Variants in DMTN observed in about 807,000 individuals in gnomAD.
The protein encoded by DMTN is dematin.
A neutral mutation model predicts 59.4 loss-of-function variants in DMTN; 27 were observed. The observed-to-expected ratio is 0.45, with a 90% CI of 0.33 to 0.63. The LOEUF is 0.63. DMTN is among the 20% of genes least tolerant of loss of function. DMTN has a pLI of 0.02. For synonymous variants in DMTN, 221 were observed against 203.7 expected (o/e 1.08, Z -0.72); for missense variants, 451 against 528.9 (o/e 0.85, Z 1.45).
In DMTN at chr8:22,066,788, C is replaced by T; in HGVS notation, c.-88C>T. The T allele has an allele frequency of 7.3e-7, 1 of 1,374,532 alleles. No individual in the cohort carries two copies. Among genetic ancestry groups the T allele is most frequent in the Non-Finnish European group, 9.5e-7 (1 of 1,052,758 alleles). The allele number at this position is 1,374,532 out of a possible 1,614,324, so 85.1% of individuals were successfully genotyped here. A position where few individuals can be genotyped will look rare whatever the true frequency, so the allele number is the denominator to read the frequency against. ...CTTTCGCGGCCCCAAGCGCGCAGCG[C>T]CCAGCAGCCGCGCCGAGCCTGACAC... On this transcript the variant is annotated 5_prime_UTR_variant, in exon 2 of 16. Coordinates refer to ENST00000358242, the MANE Select transcript of DMTN (RefSeq NM_001387751.1).
chr8:22,051,050 C>G (rs796511557), upstream of DMTN, among the ~76,000 whole-genome samples: 24 of 152,332 alleles, frequency 1.6e-4, no homozygotes, highest in African/African-American at 4.6e-4. Flanking sequence ...CCTCAGACCA[C>G]ACCTGGCTTC....
Position 22,081,093 on chromosome 8 carries a change from G to GGGGGTCC in DMTN, c.1024-20_1024-19insGGGGTCC. 2 of 1,572,880 alleles carry GGGGGTCC rather than the reference G, an allele frequency of 1.3e-6. No individual in the cohort carries two copies. The highest frequency in any genetic ancestry group is 1.7e-6 in the Non-Finnish European group (2 of 1,144,784). ...CAGGATATTCTGTGAGCCTAAGATT[G>GGGGGTCC]CCCCTCCCCCCACCCCCAGATCTAT... On this transcript the variant is annotated intron_variant, in intron 14 of 15. Transcript: ENST00000358242.
Position 22,060,120 on chromosome 8 carries a change from G to T in DMTN, c.-172+2984G>T, listed in dbSNP as rs1805265800. 6.6e-6 allele frequency among the ~76,000 whole-genome samples: 1 copy of T among 152,118 alleles called. No homozygotes were observed. Among genetic ancestry groups the T allele is most frequent in the Admixed American group, 6.5e-5 (1 of 15,274 alleles). On this transcript the variant is annotated intron_variant, in intron 1 of 15. Coordinates refer to ENST00000358242, the MANE Select transcript of DMTN (RefSeq NM_001387751.1). The surrounding 1 kb of genome is among the most constrained non-coding windows in gnomAD (Gnocchi z 5.0). ...GCTGAGCTGTCCCTTCCGTCACCTG[G>T]ACCTGCCTTCCTCTGTGGTGCTCTC...
intron 1 of DMTN, among the ~76,000 whole-genome samples, chr8:22,061,704 A>G (rs1179909631): frequency 6.6e-6 from 1 of 150,906 alleles, no homozygotes; most frequent in Non-Finnish European, 1.5e-5. Context: ...TGACCCCTCC[A>G]AACCTCTGAC....
chr8:22,071,756 A>G (rs958118709), intron 8 of DMTN, among the ~76,000 whole-genome samples: 2 of 151,648 alleles, frequency 1.3e-5, no homozygotes, highest in Admixed American at 6.6e-5. Context: ...ATTTTTTTGT[A>G]TTTTTAATAG....
At chr8:22,069,776 G>A in intron 6 of DMTN, 105 bp from the exon 7 acceptor site, 1 of 1,338,676 alleles carries the variant, frequency 7.5e-7, no homozygotes, top group Non-Finnish European at 1.1e-6. Flanking sequence ...CTTGACAGGG[G>A]CCAGTGAGTT....
Position 22,058,455 on chromosome 8 carries a change from A to C in DMTN, c.-172+1319A>C, listed in dbSNP as rs1235496340. Among the ~76,000 whole-genome samples, 1 of 152,228 alleles carries C rather than the reference A, an allele frequency of 6.6e-6. No individual in the cohort carries two copies. Among genetic ancestry groups the C allele is most frequent in the Non-Finnish European group, 1.5e-5 (1 of 68,038 alleles). ...TCCGCCTGAGGGGGCTGCAGGATGCAGAAAGCAGAAAGCGGGGTCTCTTCA... is the reference window on the plus strand; with the variant it reads ...TCCGCCTGAGGGGGCTGCAGGATGCCGAAAGCAGAAAGCGGGGTCTCTTCA... On this transcript the variant is annotated intron_variant, in intron 1 of 15. Transcript: ENST00000358242. The surrounding 1 kb of genome is among the most constrained non-coding windows in gnomAD (Gnocchi z 4.3).
intron 15 of DMTN, 51 bp from the exon 16 acceptor site, chr8:22,081,299 G>A (rs1741991333): frequency 3.1e-6 from 5 of 1,595,928 alleles, no homozygotes; most frequent in African/African-American, 2.7e-5. Context: ...TAGGTCACTG[G>A]GCACAGCCCC....
At chr8:22,078,369 A>G (rs889738215) in intron 10 of DMTN, among the ~76,000 whole-genome samples, 9 of 150,900 alleles carry the variant, frequency 6.0e-5, no homozygotes, top group Non-Finnish European at 1.2e-4. Flanking sequence ...TGTATCAAAA[A>G]ACAAAAAATA....
At chr8:22,052,769 T>A (rs757574529), upstream of DMTN, among the ~76,000 whole-genome samples, 13 of 152,116 alleles carry the variant, frequency 8.5e-5, no homozygotes, top group Admixed American at 2.6e-4. Context: ...TCAGGAGATG[T>A]GCTAGGCCAC....
Position 22,060,992 on chromosome 8 carries a change from G to A in DMTN, c.-172+3856G>A, listed in dbSNP as rs571294382. On this transcript the variant is annotated intron_variant, in intron 1 of 15. Transcript: ENST00000358242. This position sits in a 1 kb window ranked among gnomAD's most constrained non-coding sequence, Gnocchi z 5.0. ...TAAGGGTTAAATTGAAACAAAGATGGGCTGGGCAGGGGCTCACACCTATGA... is the reference window on the plus strand; with the variant it reads ...TAAGGGTTAAATTGAAACAAAGATGAGCTGGGCAGGGGCTCACACCTATGA... 4.6e-4 allele frequency among the ~76,000 whole-genome samples: 70 copies of A among 152,202 alleles called. No individual in the cohort carries two copies. Among genetic ancestry groups the A allele is most frequent in the African/African-American group, 1.6e-3 (65 of 41,520 alleles).
In DMTN at chr8:22,067,097, T is replaced by C. The variant is rs1440773654; in HGVS notation, c.31T>C (p.Ser11Pro). Residue 11 changes from serine (S) to proline (P), a missense_variant, in exon 3 of 16, where the codon TCC (serine) becomes CCC (proline). Ser to Pro is a moderately conservative substitution (Grantham distance 74, BLOSUM62 -1). Transcript: ENST00000358242. MERLQKQPLT[S>P]PGSVSPSRDS... ...TCGCTCTCCCCAGCAACCACTTACCTCCCCCGGGAGCGTGAGCCCCTCCCG... is the reference window on the plus strand; with the variant it reads ...TCGCTCTCCCCAGCAACCACTTACCCCCCCCGGGAGCGTGAGCCCCTCCCG... The C allele has an allele frequency of 4.3e-6, 6 of 1,401,582 alleles. No homozygotes were observed. Among genetic ancestry groups the C allele is most frequent in the Admixed American group, 4.0e-5 (2 of 49,670 alleles). 86.8% of individuals were successfully genotyped at this position (1,401,582 alleles called of 1,614,324 possible). A position where few individuals can be genotyped will look rare whatever the true frequency, so the allele number is the denominator to read the frequency against.
chr8:22,066,594 C>A, intron 1 of DMTN, 111 bp from the exon 2 acceptor site: 1 of 316,232 alleles, frequency 3.2e-6, no homozygotes, highest in Non-Finnish European at 5.8e-6. Context: ...CGGGGCTGAG[C>A]GGATGGGAAG....
In DMTN at chr8:22,067,680, G is replaced by A; in HGVS notation, c.247G>A (p.Glu83Lys). The A allele has an allele frequency of 6.2e-7, 1 of 1,613,652 alleles. No homozygotes were observed. The highest frequency in any genetic ancestry group is 8.5e-7 in the Non-Finnish European group (1 of 1,180,018). ...LEHVELPRSR[E>K]RSLSPKSTSP... ...ACACGTGGAGCTGCCTCGCAGCCGC[G>A]AGGTGAGGGGGCTCCTCTTGGGCAG... The change falls in exon 4 of 16, where the codon GAG becomes AAG. Residue 83 changes from glutamate (E) to lysine (K), a missense_variant and splice_region_variant. Transcript: ENST00000358242.
chr8:22,067,663 A>C lies in DMTN; in HGVS notation c.230A>C (p.Glu77Ala), dbSNP rs755491495. The C allele has an allele frequency of 1.9e-6, 3 of 1,613,980 alleles. No homozygotes were observed. In the South Asian group the frequency reaches 3.3e-5, roughly 18 times the overall value. ...ACTTATTCCCTCCTGGAACACGTGG[A>C]GCTGCCTCGCAGCCGCGAGGTGAGG... Reference protein sequence around the residue: ...HFTYSLLEHVELPRSRERSLS... With the variant: ...HFTYSLLEHVALPRSRERSLS... Residue 77 changes from glutamate to alanine, a missense_variant, in exon 4 of 16, where the codon GAG (glutamate) becomes GCG (alanine). Glu to Ala is a moderately radical substitution (Grantham distance 107, BLOSUM62 -1). Coordinates refer to ENST00000358242, the MANE Select transcript of DMTN (RefSeq NM_001387751.1).
chr8:22,059,895 A>C (rs1049280931), intron 1 of DMTN, among the ~76,000 whole-genome samples: 1 of 152,202 alleles, frequency 6.6e-6, no homozygotes, highest in Non-Finnish European at 1.5e-5. Context: ...AGAGCGCGCC[A>C]GGATGAGTGG....
At chr8:22,070,136 G>C in intron 7 of DMTN, 46 bp from the exon 8 acceptor site, 3 of 1,556,578 alleles carry the variant, frequency 1.9e-6, no homozygotes, top group Non-Finnish European at 2.6e-6. Context: ...TAGCCAAGTT[G>C]GCCTCGGGCA....
intron 12 of DMTN, 46 bp downstream of exon 12, chr8:22,080,506 C>A (rs376090446): frequency 1.2e-6 from 2 of 1,614,038 alleles, no homozygotes; most frequent in Admixed American, 1.7e-5. Flanking sequence ...GGGGCTTACA[C>A]AGGTCCCTGG....
chr8:22,073,939 A>C, intron 10 of DMTN, 104 bp downstream of exon 10: 3 of 856,198 alleles, frequency 3.5e-6, no homozygotes, highest in Non-Finnish European at 5.7e-6. Flanking sequence ...CCCTGACCCA[A>C]AGCACGGCTG....
Sources: gnomAD v4.1 joint callset for allele counts (sites outside exome capture counted in the v4.1 genomes callset) on GRCh38, gnomAD v4.1.1 for gene constraint, Gnocchi (gnomAD v3.1) non-coding constraint, MANE v1.5 for transcripts, NCBI Gene and HGNC (gene_info 2026-07-23, HGNC 2026-07-21) for gene names.